Variants in TUB observed in about 807,000 individuals in gnomAD.
The protein encoded by TUB is tubby protein homolog.
TUB carries 33 observed loss-of-function variants against 59.7 expected under a neutral mutation model. The observed-to-expected ratio is 0.55, with a 90% CI of 0.42 to 0.74. The LOEUF (loss-of-function observed/expected upper bound fraction) is 0.74, where lower values mean the gene tolerates loss of function less well. TUB is among the 30% of genes least tolerant of loss of function. The probability of loss-of-function intolerance (pLI) is 0.00; values close to 1 mark genes in which losing one functional copy is unlikely to be tolerated. For missense variants in TUB, 659 were observed against 672.0 expected (o/e 0.98, Z 0.21); for synonymous variants, 293 against 256.4 (o/e 1.14, Z -1.36).
chr11:8,051,910 C>T (rs1202801344), intron 2 of TUB, among the ~76,000 whole-genome samples: 3 of 152,214 alleles, frequency 2.0e-5, no homozygotes, highest in African/African-American at 7.2e-5. Context: ...GCAAGTTGAT[C>T]TCTAAGCCAC....
intron 2 of TUB, among the ~76,000 whole-genome samples, chr11:8,050,523 C>T (rs1383149367): frequency 2.0e-5 from 3 of 152,172 alleles, no homozygotes; most frequent in African/African-American, 4.8e-5. Context: ...GAGTGTGTTG[C>T]ATGTGGTCTT....
At chr11:8,044,334 A>G (rs1589929589) in intron 2 of TUB, among the ~76,000 whole-genome samples, 1 of 152,140 alleles carries the variant, frequency 6.6e-6, no homozygotes, top group East Asian at 1.9e-4. Context: ...AATTCCATGA[A>G]GTATATATTT....
chr11:8,088,943 G>A (rs1185935192), intron 1 of TUB, among the ~76,000 whole-genome samples: 2 of 152,222 alleles, frequency 1.3e-5, no homozygotes, highest in African/African-American at 4.8e-5. Flanking sequence ...TTGATGTGTT[G>A]TGTCCACCCT....
chr11:8,075,416 T>C (rs957210395), intron 2 of TUB, among the ~76,000 whole-genome samples: 4 of 152,196 alleles, frequency 2.6e-5, no homozygotes. Flanking sequence ...ATATAACCTT[T>C]TAGTTGCTTC....
At chr11:8,091,841 T>C (rs2133840135) in intron 3 of TUB, among the ~76,000 whole-genome samples, 2 of 152,222 alleles carry the variant, frequency 1.3e-5, no homozygotes, top group Admixed American at 1.3e-4. Flanking sequence ...CCAAGGGTGG[T>C]AGTGGTACCC....
chr11:8,024,926 G>C (rs569537876), intron 1 of TUB, among the ~76,000 whole-genome samples: 20 of 152,332 alleles, frequency 1.3e-4, no homozygotes, highest in African/African-American at 4.8e-4. Flanking sequence ...TTGCAGCCCA[G>C]GTCCTTAAAT....
In TUB at chr11:8,081,439, G is replaced by A; in HGVS notation, c.-72G>A. ...CGGCCCGGGGCGGCCCGGGAGCTGAGCAGGGCCCCCGCGCCGGCCCCTCCG... is the reference window on the plus strand; with the variant it reads ...CGGCCCGGGGCGGCCCGGGAGCTGAACAGGGCCCCCGCGCCGGCCCCTCCG... On this transcript the variant is annotated 5_prime_UTR_variant, in exon 1 of 12. Coordinates refer to ENST00000299506, the MANE Select transcript of TUB (RefSeq NM_177972.3). The A allele has an allele frequency of 4.6e-6, 6 of 1,317,650 alleles. No homozygotes were observed. Among genetic ancestry groups the A allele is most frequent in the Non-Finnish European group, 4.8e-6 (5 of 1,033,752 alleles). The allele number at this position is 1,317,650 out of a possible 1,614,324, so 81.6% of individuals were successfully genotyped here.
At chr11:8,029,388 C>CTTTT (rs71059146) in intron 1 of TUB, among the ~76,000 whole-genome samples, 7 of 123,538 alleles carry the variant, frequency 5.7e-5, no homozygotes, top group African/African-American at 1.2e-4. Flanking sequence ...TTCTTTCTTT[C>CTTTT]TTTTTTTTTT....
At position 8,089,462 on chromosome 11, in the gene TUB, C is replaced by G. The variant is rs958747043; in HGVS notation, c.39-148C>G. On this transcript the variant is annotated intron_variant, in intron 1 of 11. Transcript: ENST00000299506. ...TGGTTTCAAGATGGCAGGCTCCACC[C>G]TTCCTCCTTCTACCATGTGGGCTCA... 5.3e-6 allele frequency: 5 copies of G among 949,368 alleles called. No homozygotes were observed. The Admixed American group carries it at 6.3e-5, about 12-fold the overall frequency. 58.8% of individuals were successfully genotyped at this position (949,368 alleles called of 1,614,324 possible).
At chr11:8,020,138 C>T (rs1019906797) in intron 1 of TUB, among the ~76,000 whole-genome samples, 2 of 152,224 alleles carry the variant, frequency 1.3e-5, no homozygotes, top group African/African-American at 4.8e-5. Flanking sequence ...GTGTTAAATG[C>T]CACCCTTGTA....
chr11:8,054,120 G>GA lies in TUB; in HGVS notation c.203+14436dup, dbSNP rs113959814. ...ACAGAGCGAGACTCTGTCTCAAAAAGAAAAAAAAGTTTGAAATACTTGTCC... is the reference window on the plus strand; with the variant it reads ...ACAGAGCGAGACTCTGTCTCAAAAAGAAAAAAAAAGTTTGAAATACTTGTCC... On this transcript the variant is annotated intron_variant, in intron 2 of 12. Coordinates refer to the TUB transcript ENST00000305253. Among the ~76,000 whole-genome samples, 288 of 151,738 alleles carry GA rather than the reference G, an allele frequency of 1.9e-3. 3 individuals are homozygous for GA. The highest frequency in any genetic ancestry group is 6.5e-3 in the African/African-American group (270 of 41,400).
chr11:8,081,666 C>T (rs1943566981), intron 1 of TUB, 118 bp downstream of exon 1: 1 of 1,165,770 alleles, frequency 8.6e-7, no homozygotes, highest in African/African-American at 1.6e-5. Context: ...AGCACTGGGG[C>T]GCGGGTTGGA....
Position 8,100,946 on chromosome 11 carries a change from C to T in TUB, c.1336C>T (p.Arg446Cys), listed in dbSNP as rs969008528. ...GTCCTATGTACTCAACTTCCATGGG[C>T]GCGTCACACAGGCCTCCGTGAAGAA... is the stretch of plus-strand genomic sequence containing the variant. ...TQSYVLNFHG[R>C]VTQASVKNFQ... Residue 446 changes from arginine (R) to cysteine (C), a missense_variant, in exon 11 of 12, where the codon CGC (arginine) becomes TGC (cysteine). Coordinates refer to ENST00000299506, the MANE Select transcript of TUB (RefSeq NM_177972.3). 3.7e-6 allele frequency: 6 copies of T among 1,613,992 alleles called. No homozygotes were observed. The highest frequency in any genetic ancestry group is 2.2e-5 in the South Asian group (2 of 91,074).
intron 9 of TUB, among the ~76,000 whole-genome samples, chr11:8,099,178 G>A (rs1488354354): frequency 2.6e-5 from 4 of 152,096 alleles, no homozygotes; most frequent in Non-Finnish European, 4.4e-5. Flanking sequence ...TCTTGTCTGT[G>A]CATTTCCCAG....
At chr11:8,093,708 T>C (rs1943859420) in intron 3 of TUB, among the ~76,000 whole-genome samples, 1 of 152,216 alleles carries the variant, frequency 6.6e-6, no homozygotes, top group Non-Finnish European at 1.5e-5. Context: ...CCATATCCTC[T>C]CAGACATTCT....
intron 1 of TUB, chr11:8,019,387 G>C: frequency 8.1e-7 from 1 of 1,235,824 alleles, no homozygotes; most frequent in Non-Finnish European, 1.0e-6. Context: ...GGCCCTGCGT[G>C]AGCGCCTGCT....
intron 2 of TUB, among the ~76,000 whole-genome samples, chr11:8,044,835 T>C (rs951586843): frequency 1.3e-5 from 2 of 152,182 alleles, no homozygotes; most frequent in Admixed American, 6.5e-5. Flanking sequence ...AAGCACTTTA[T>C]TTACTCTTTA....
chr11:8,050,068 T>C (rs1172810467), intron 2 of TUB, among the ~76,000 whole-genome samples: 3 of 152,238 alleles, frequency 2.0e-5, no homozygotes. Context: ...TTGACATTTA[T>C]ATAAGTGGGA....
At chr11:8,081,871 C>CA (rs1943572786) in intron 1 of TUB, among the ~76,000 whole-genome samples, 1 of 152,222 alleles carries the variant, frequency 6.6e-6, no homozygotes, top group Non-Finnish European at 1.5e-5. Flanking sequence ...ACCCCAGTCA[C>CA]ACGCCTGTGC....
Sources: allele counts gnomAD v4.1 joint callset (sites outside exome capture counted in the v4.1 genomes callset), GRCh38; gene constraint gnomAD v4.1.1; transcripts MANE v1.5; gene names NCBI Gene and HGNC (gene_info 2026-07-23, HGNC 2026-07-21).